Variants in CFAP119 observed in about 807,000 individuals in gnomAD.
CFAP119 encodes cilia and flagella associated protein 119.
the CFAP119 span, chr16:30,758,995 C>G: frequency 1.2e-6 from 2 of 1,613,980 alleles, no homozygotes; most frequent in Non-Finnish European, 1.7e-6. Context: ...GGCAGCCTGC[C>G]CTCTCCAGAT....
chr16:30,759,938 C>T, the CFAP119 span: 1 of 1,441,842 alleles, frequency 6.9e-7, no homozygotes, highest in South Asian at 1.5e-5. Context: ...AGGTCCTGCC[C>T]TTACGAAGCT....
chr16:30,759,036 C>T, the CFAP119 span: 3 of 1,614,240 alleles, frequency 1.9e-6, no homozygotes, highest in African/African-American at 1.3e-5. Context: ...GGTGGGGCCA[C>T]TGTCTCTAGT....
chr16:30,760,068 T>C, the CFAP119 span: 1 of 1,532,216 alleles, frequency 6.5e-7, no homozygotes, highest in Non-Finnish European at 8.7e-7. Flanking sequence ...TTTGCATATA[T>C]TATTTCTCAG....
At chr16:30,762,062 C>CA in the CFAP119 span, 1 of 440,214 alleles carries the variant, frequency 2.3e-6, no homozygotes, top group African/African-American at 2.1e-5. Context: ...GTTGCTAATA[C>CA]GAGGGCCGGT....
At chr16:30,760,738 G>A in the CFAP119 span, 23 of 1,410,362 alleles carry the variant, frequency 1.6e-5, no homozygotes, top group African/African-American at 1.6e-4. Flanking sequence ...CAGCTAGTGC[G>A]TGAGACTGGG....
chr16:30,760,013 C>T, the CFAP119 span: 1 of 1,479,814 alleles, frequency 6.8e-7, no homozygotes, highest in Non-Finnish European at 8.9e-7. Flanking sequence ...GAAGCAAGAG[C>T]TATTAAACAT....
chr16:30,760,674 A>C, the CFAP119 span: 12 of 1,523,974 alleles, frequency 7.9e-6, no homozygotes, highest in Admixed American at 2.4e-4. Context: ...ACTTCCTGTT[A>C]TAGTAAAAGA....
the CFAP119 span, chr16:30,759,678 A>T: frequency 6.2e-7 from 1 of 1,613,960 alleles, no homozygotes; most frequent in Non-Finnish European, 8.5e-7. Flanking sequence ...AAAAAAGGAC[A>T]CTGGTGAAGT....
At chr16:30,758,926 A>C in the CFAP119 span, 42 of 1,547,866 alleles carry the variant, frequency 2.7e-5, 1 homozygote, top group South Asian at 4.9e-4. Context: ...CTAAAAACAA[A>C]AAGTCTGAAG....
the CFAP119 span, chr16:30,761,590 C>T: frequency 2.6e-6 from 4 of 1,536,060 alleles, no homozygotes; most frequent in Non-Finnish European, 2.6e-6. Context: ...TCGCCGCCGC[C>T]GCCGTCGTCC....
chr16:30,760,722 C>T, the CFAP119 span: 1 of 1,483,382 alleles, frequency 6.7e-7, no homozygotes. Flanking sequence ...CATGACAAGG[C>T]TGTGACAGCT....
At chr16:30,758,521 A>G in the CFAP119 span, 4 of 194,488 alleles carry the variant, frequency 2.1e-5, no homozygotes, top group Admixed American at 1.1e-4. Flanking sequence ...TCTAATGATC[A>G]TTTCTCTGGA....
chr16:30,761,149 C>A, the CFAP119 span: 2 of 1,602,028 alleles, frequency 1.2e-6, no homozygotes, highest in Non-Finnish European at 8.5e-7. Context: ...GTTGGGGAGA[C>A]AATAAAGAAC....
chr16:30,757,475 G>A, the CFAP119 span: 3 of 1,612,440 alleles, frequency 1.9e-6, no homozygotes, highest in Non-Finnish European at 2.5e-6. Context: ...AATGTTGGGG[G>A]TCACTTGGTC....
At chr16:30,759,930 G>T in the CFAP119 span, 35 of 1,440,648 alleles carry the variant, frequency 2.4e-5, no homozygotes, top group Admixed American at 5.6e-5. Flanking sequence ...GACAGACAAG[G>T]TCCTGCCCTT....
the CFAP119 span, chr16:30,761,261 C>A: frequency 6.2e-7 from 1 of 1,613,562 alleles, no homozygotes; most frequent in Non-Finnish European, 8.5e-7. Flanking sequence ...GGGAAGGCAG[C>A]TGCGGTGTCC....
chr16:30,759,602 A>G, the CFAP119 span: 140 of 1,613,988 alleles, frequency 8.7e-5, no homozygotes, highest in Non-Finnish European at 1.1e-4. Context: ...AGACTGGGTG[A>G]GACCTTGTCT....
chr16:30,757,609 T>TTGTTCAC, the CFAP119 span: 1 of 1,614,104 alleles, frequency 6.2e-7, no homozygotes. Flanking sequence ...CTCCAGCTCT[T>TTGTTCAC]TGTTCACTTG....
At chr16:30,760,502 C>T in the CFAP119 span, 3 of 1,612,044 alleles carry the variant, frequency 1.9e-6, no homozygotes, top group Non-Finnish European at 2.5e-6. Context: ...CTTTCATCAC[C>T]CTACACCCAC....
Sources: gnomAD v4.1 joint callset for allele counts on GRCh38, gnomAD v4.1.1 for gene constraint, MANE v1.5 for transcripts, NCBI Gene and HGNC (gene_info 2026-07-23, HGNC 2026-07-21) for gene names.